Variants in DLGAP2 observed in about 807,000 individuals in gnomAD.
DLGAP2 encodes the protein DLG associated protein 2, also known as disks large-associated protein 2.
Under a neutral mutation model 100.3 loss-of-function variants are expected in DLGAP2, and 26 were observed. The observed-to-expected ratio is 0.26, with a 90% CI of 0.19 to 0.36. The LOEUF (loss-of-function observed/expected upper bound fraction) is 0.36, where lower values mean the gene tolerates loss of function less well. Ranked by LOEUF, DLGAP2 falls within the 10% of genes least tolerant of loss-of-function variation. The pLI, the probability that DLGAP2 is intolerant of heterozygous loss-of-function variation, is 1.00. For synonymous variants in DLGAP2, 886 were observed against 630.1 expected (o/e 1.41, Z -6.08); for missense variants, 1,858 against 1,453.2 (o/e 1.28, Z -4.53).
intron 1 of DLGAP2, among the ~76,000 whole-genome samples, chr8:796,926 A>T (rs533903596): frequency 6.6e-6 from 1 of 152,132 alleles, no homozygotes; most frequent in South Asian, 2.1e-4. Context: ...TTCAAAACAC[A>T]AGTCAAGGAT....
chr8:909,167 A>G (rs1349728720), intron 2 of DLGAP2, among the ~76,000 whole-genome samples: 2 of 152,186 alleles, frequency 1.3e-5, no homozygotes, highest in African/African-American at 4.8e-5. Context: ...GTTTGAGCAT[A>G]TCTGCTTACA....
At chr8:1,215,321 G>A (rs994604057) in intron 2 of DLGAP2, among the ~76,000 whole-genome samples, 9 of 152,240 alleles carry the variant, frequency 5.9e-5, no homozygotes, top group Admixed American at 3.3e-4. Context: ...GCATGATCAT[G>A]CGAGGCTGAT....
At chr8:1,007,624 G>T (rs1778758462) in intron 2 of DLGAP2, among the ~76,000 whole-genome samples, 2 of 114,746 alleles carry the variant, frequency 1.7e-5, no homozygotes, top group Admixed American at 1.8e-4. Context: ...TCTATGGGTA[G>T]TTTTTTTTTT....
chr8:1,321,204 C>G (rs983303553), intron 3 of DLGAP2, among the ~76,000 whole-genome samples: 1 of 151,076 alleles, frequency 6.6e-6, no homozygotes, highest in African/African-American at 2.4e-5. Flanking sequence ...CACGTGCATC[C>G]ATGTGCCTCT....
chr8:1,091,797 T>A (rs1259089146), intron 2 of DLGAP2, among the ~76,000 whole-genome samples: 4 of 149,554 alleles, frequency 2.7e-5, no homozygotes, highest in African/African-American at 9.9e-5. Flanking sequence ...TCCCCACTCC[T>A]ACCCCTCCGC....
intron 4 of DLGAP2, among the ~76,000 whole-genome samples, chr8:1,512,632 A>G (rs901039961): frequency 1.3e-5 from 2 of 152,124 alleles, no homozygotes; most frequent in Non-Finnish European, 2.9e-5. Context: ...AGCAAACAAC[A>G]TGGCAGTTGT....
At chr8:1,657,021 T>C (rs1157892652) in intron 8 of DLGAP2, among the ~76,000 whole-genome samples, 1 of 152,236 alleles carries the variant, frequency 6.6e-6, no homozygotes, top group African/African-American at 2.4e-5. Flanking sequence ...GATTTTATAG[T>C]GTTGTTTACA....
At chr8:1,418,213 A>G (rs1476814462) in intron 3 of DLGAP2, among the ~76,000 whole-genome samples, 3 of 152,248 alleles carry the variant, frequency 2.0e-5, no homozygotes, top group Non-Finnish European at 2.9e-5. Context: ...TGATGATGTA[A>G]CTGTCTCTAC....
At position 782,315 on chromosome 8, in the gene DLGAP2, G is replaced by A. The variant is rs547711009; in HGVS notation, c.18+44490G>A. ...AACCTCTAATAACTGGTAGTATCTT[G>A]ATAGAATTTTAGCTTGATTTTTTTA... On this transcript the variant is annotated intron_variant, in intron 1 of 14. Transcript: ENST00000637795. 1.1e-3 allele frequency among the ~76,000 whole-genome samples: 174 copies of A among 151,892 alleles called. 1 individual carries two copies. Among genetic ancestry groups the A allele is most frequent in the African/African-American group, 4.1e-3 (168 of 41,432 alleles).
chr8:757,293 C>T (rs929693557), intron 1 of DLGAP2, among the ~76,000 whole-genome samples: 11 of 152,142 alleles, frequency 7.2e-5, no homozygotes, highest in Non-Finnish European at 1.2e-4. Context: ...TGTAAAATAC[C>T]GCAATCCAGC....
intron 5 of DLGAP2, among the ~76,000 whole-genome samples, chr8:1,555,732 G>A (rs1220287606): frequency 6.6e-6 from 1 of 152,236 alleles, no homozygotes; most frequent in Non-Finnish European, 1.5e-5. Context: ...AGATCGCTGG[G>A]CTGTGTCACA....
intron 1 of DLGAP2, among the ~76,000 whole-genome samples, chr8:889,297 G>A (rs1293894607): frequency 6.6e-6 from 1 of 152,172 alleles, no homozygotes; most frequent in Non-Finnish European, 1.5e-5. Flanking sequence ...AGCAGGCCCC[G>A]TTTAATGAAG....
intron 1 of DLGAP2, among the ~76,000 whole-genome samples, chr8:786,412 C>CA: frequency 6.6e-6 from 1 of 152,252 alleles, no homozygotes; most frequent in South Asian, 2.1e-4. Context: ...CGTCGATTCT[C>CA]AAAAGAATGA....
At chr8:1,329,131 C>T (rs1445238472) in intron 3 of DLGAP2, among the ~76,000 whole-genome samples, 2 of 152,202 alleles carry the variant, frequency 1.3e-5, no homozygotes, top group East Asian at 1.9e-4. Context: ...GTGACAGATT[C>T]AAATGTATGC....
intron 5 of DLGAP2, among the ~76,000 whole-genome samples, chr8:1,552,373 C>T (rs775973751): frequency 1.3e-5 from 2 of 152,202 alleles, no homozygotes; most frequent in Non-Finnish European, 2.9e-5. Flanking sequence ...GCATGCAGCT[C>T]GGTGACTTCT....
chr8:989,498 C>T (rs576438950), intron 2 of DLGAP2, among the ~76,000 whole-genome samples: 189 of 152,254 alleles, frequency 1.2e-3, no homozygotes, highest in African/African-American at 3.4e-3. Context: ...CTGCAGTCGA[C>T]GGAAATACCA....
chr8:1,560,726 C>T (rs1802129183), intron 5 of DLGAP2, among the ~76,000 whole-genome samples: 1 of 152,222 alleles, frequency 6.6e-6, no homozygotes, highest in Non-Finnish European at 1.5e-5. Flanking sequence ...CATCTTTTTC[C>T]AGTGCTCAAA....
rs761958591 is a variant in DLGAP2, at chr8:1,668,558, C to T, written c.2040C>T (p.Ala680=). The T allele has an allele frequency of 4.4e-6, 7 of 1,589,044 alleles. No individual in the cohort carries two copies. The highest frequency in any genetic ancestry group is 4.6e-5 in the East Asian group (2 of 43,114). The change falls in exon 9 of 15, where the codon GCC becomes GCT. Residue 680 remains alanine, a synonymous_variant. Coordinates refer to ENST00000637795, the MANE Select transcript of DLGAP2 (RefSeq NM_001346810.2). ...NKAMNLALET[A]AAQRHLPESQ... Reference sequence around the variant, plus strand: ...CCATGAACCTCGCGCTGGAAACGGCCGCTGCCCAGCGCCACCTGCCAGAGA... The same window carrying T: ...CCATGAACCTCGCGCTGGAAACGGCTGCTGCCCAGCGCCACCTGCCAGAGA...
chr8:1,228,692 ATCAAC>A (rs1346342175), intron 2 of DLGAP2, among the ~76,000 whole-genome samples: 1 of 152,242 alleles, frequency 6.6e-6, no homozygotes, highest in Non-Finnish European at 1.5e-5. Flanking sequence ...GGAAAATGAC[ATCAAC>A]TCAATAGGTG....
Sources: gnomAD v4.1 joint callset for allele counts (sites outside exome capture counted in the v4.1 genomes callset) on GRCh38, gnomAD v4.1.1 for gene constraint, MANE v1.5 for transcripts, NCBI Gene and HGNC (gene_info 2026-07-23, HGNC 2026-07-21) for gene names.